Variants in LARP4B observed in about 807,000 individuals in gnomAD.
LARP4B encodes the protein la-related protein 4B.
In LARP4B, 12 loss-of-function variants were observed where a neutral mutation model predicts 89.8. The ratio of observed to expected loss-of-function variants is 0.13; its 90% CI spans 0.09 to 0.22. The LOEUF is 0.22. LARP4B is among the 10% of genes least tolerant of loss of function. The pLI is 1.00. For synonymous variants in LARP4B, 367 were observed against 363.3 expected (o/e 1.01, Z -0.12); for missense variants, 757 against 947.7 (o/e 0.80, Z 2.64).
In LARP4B at chr10:812,541, T is replaced by TAAAAAAA. The variant is rs58718835; in HGVS notation, c.*378_*384dup. ...GATATGCACTTACAGACCAGTTACT[T>TAAAAAAA]AAAAAAAAAAAAAAAAAGCAGAGTT... On this transcript the variant is annotated 3_prime_UTR_variant, in exon 18 of 18. Coordinates refer to ENST00000316157, the MANE Select transcript of LARP4B (RefSeq NM_015155.3). 1.5e-5 allele frequency: 2 copies of TAAAAAAA among 132,998 alleles called. No homozygotes were observed. The highest frequency in any genetic ancestry group is 2.9e-5 in the African/African-American group (1 of 35,068). The allele number at this position is 132,998 out of a possible 1,614,324, so 8.2% of individuals were successfully genotyped here.
At chr10:829,984 T>A (rs567982254) in intron 9 of LARP4B, among the ~76,000 whole-genome samples, 47 of 152,302 alleles carry the variant, frequency 3.1e-4, no homozygotes, top group South Asian at 2.3e-3. Context: ...ACAGATGCCA[T>A]AGAAGTCTCC....
At chr10:909,023 G>T (rs577841050) in intron 1 of LARP4B, among the ~76,000 whole-genome samples, 4 of 152,106 alleles carry the variant, frequency 2.6e-5, no homozygotes, top group South Asian at 2.1e-4. Flanking sequence ...GGCCAGGCGC[G>T]GTGGCTCATG....
chr10:950,656 C>T, the LARP4B span, among the ~76,000 whole-genome samples: 1 of 152,114 alleles, frequency 6.6e-6, no homozygotes, highest in Non-Finnish European at 1.5e-5. Context: ...TTTATTTAGG[C>T]TTTCTTTGAT....
chr10:811,088 A>G lies in LARP4B; in HGVS notation c.*1838T>C, dbSNP rs1479986670. On this transcript the variant is annotated 3_prime_UTR_variant, in exon 18 of 18. Coordinates refer to ENST00000316157, the MANE Select transcript of LARP4B (RefSeq NM_015155.3). ...TTAGTATGCATTTACATACATTTTA[A>G]AAGAGTATGAAAACATCTGGAGGCT... 2 of 152,506 alleles carry G rather than the reference A, an allele frequency of 1.3e-5. No individual in the cohort carries two copies. Among genetic ancestry groups the G allele is most frequent in the Non-Finnish European group, 2.9e-5 (2 of 68,036 alleles). The allele number at this position is 152,506 out of a possible 1,614,324, so 9.4% of individuals were successfully genotyped here.
chr10:974,475 T>G, the LARP4B span, among the ~76,000 whole-genome samples: 3 of 152,168 alleles, frequency 2.0e-5, no homozygotes, highest in African/African-American at 7.2e-5. Context: ...CTCAGCTTCC[T>G]TCATTGTTCC....
chr10:851,581 T>G (rs1480320160), intron 5 of LARP4B, among the ~76,000 whole-genome samples: 4 of 152,008 alleles, frequency 2.6e-5, no homozygotes, highest in African/African-American at 9.7e-5. Context: ...CAGAGATGAG[T>G]GATGTAACAT....
chr10:914,534 C>T (rs1476782304), intron 1 of LARP4B, among the ~76,000 whole-genome samples: 1 of 147,002 alleles, frequency 6.8e-6, no homozygotes, highest in African/African-American at 2.5e-5. Context: ...TGGTGGCTCG[C>T]ACCCGTAATC....
chr10:965,449 G>C, the LARP4B span, among the ~76,000 whole-genome samples: 4 of 152,016 alleles, frequency 2.6e-5, no homozygotes, highest in Non-Finnish European at 5.9e-5. Flanking sequence ...CCCGTTTCTC[G>C]GTTACACAAT....
intron 1 of LARP4B, among the ~76,000 whole-genome samples, chr10:930,919 G>A (rs1236856639): frequency 5.3e-5 from 8 of 150,864 alleles, no homozygotes; most frequent in African/African-American, 9.7e-5. Context: ...GCCGCACTGC[G>A]GGTGCCGGCG....
At chr10:946,159 A>G in the LARP4B span, among the ~76,000 whole-genome samples, 1 of 152,252 alleles carries the variant, frequency 6.6e-6, no homozygotes, top group Non-Finnish European at 1.5e-5. Flanking sequence ...AGGTCTCTCT[A>G]TGGATATCAT....
At chr10:933,779 T>A (rs1830714997), upstream of LARP4B, among the ~76,000 whole-genome samples, 1 of 152,046 alleles carries the variant, frequency 6.6e-6, no homozygotes, top group South Asian at 2.1e-4. Flanking sequence ...ATAACATTGC[T>A]AGGGCCATTG....
intron 1 of LARP4B, among the ~76,000 whole-genome samples, chr10:894,985 G>C (rs1479767928): frequency 2.0e-5 from 3 of 152,026 alleles, no homozygotes; most frequent in African/African-American, 7.2e-5. Flanking sequence ...AGGAGTTTGC[G>C]ACCAGCCTCG....
intron 1 of LARP4B, among the ~76,000 whole-genome samples, chr10:907,839 AG>A (rs1052326986): frequency 5.9e-5 from 9 of 152,214 alleles, no homozygotes; most frequent in Non-Finnish European, 1.2e-4. Flanking sequence ...ATCTCCAGGT[AG>A]GGGAAAGTGG....
At chr10:967,922 G>A in the LARP4B span, among the ~76,000 whole-genome samples, 5 of 152,074 alleles carry the variant, frequency 3.3e-5, no homozygotes, top group Admixed American at 2.6e-4. Flanking sequence ...GGCTGGTCTC[G>A]AACTCCCGAC....
intron 1 of LARP4B, among the ~76,000 whole-genome samples, chr10:887,985 C>G (rs1835912226): frequency 6.6e-6 from 1 of 151,702 alleles, no homozygotes; most frequent in South Asian, 2.1e-4. Context: ...GATCTCGCCA[C>G]TGCACTCCCA....
At chr10:965,440 C>T in the LARP4B span, among the ~76,000 whole-genome samples, 5 of 152,132 alleles carry the variant, frequency 3.3e-5, no homozygotes, top group Non-Finnish European at 7.4e-5. Flanking sequence ...CCGCTCCCCC[C>T]CGTTTCTCGG....
chr10:943,847 G>T, the LARP4B span, among the ~76,000 whole-genome samples: 1 of 151,996 alleles, frequency 6.6e-6, no homozygotes, highest in Non-Finnish European at 1.5e-5. Flanking sequence ...TTTCTTGGTG[G>T]TGTCCACGTA....
chr10:941,046 T>G, the LARP4B span, among the ~76,000 whole-genome samples: 3 of 152,104 alleles, frequency 2.0e-5, no homozygotes, highest in Non-Finnish European at 4.4e-5. Flanking sequence ...GAGGTCAGGT[T>G]GTTTGCTGAA....
the LARP4B span, among the ~76,000 whole-genome samples, chr10:960,637 G>A: frequency 6.9e-6 from 1 of 144,334 alleles, no homozygotes; most frequent in Non-Finnish European, 1.5e-5. Context: ...GAACCTGGGA[G>A]GTGGAGGTTG....
Sources: gnomAD v4.1 joint callset for allele counts (sites outside exome capture counted in the v4.1 genomes callset) on GRCh38, gnomAD v4.1.1 for gene constraint, MANE v1.5 for transcripts, NCBI Gene and HGNC (gene_info 2026-07-23, HGNC 2026-07-21) for gene names.